Variants in ZNF490 observed in about 807,000 individuals in gnomAD.
The protein encoded by ZNF490 is zinc finger protein 490.
A neutral mutation model predicts 17.7 loss-of-function variants in ZNF490; 11 were observed. The ratio of observed to expected loss-of-function variants is 0.62; its 90% CI spans 0.39 to 1.03. The LOEUF is 1.03. Ranked by LOEUF, ZNF490 falls within the 50% of genes least tolerant of loss-of-function variation. The pLI is 0.00. For missense variants in ZNF490, 542 were observed against 643.4 expected, an observed-to-expected ratio of 0.84 and a Z score of 1.71; for synonymous variants, 222 against 216.1, an observed-to-expected ratio of 1.03 and a Z score of -0.24.
intron 2 of ZNF490, among the ~76,000 whole-genome samples, chr19:12,590,978 A>G (rs2022862988): frequency 6.6e-6 from 1 of 152,104 alleles, no homozygotes; most frequent in East Asian, 1.9e-4. Context: ...TAGATCAAAG[A>G]TGTAACTGTA....
chr19:12,604,148 G>C (rs2023039499), intron 2 of ZNF490, among the ~76,000 whole-genome samples: 1 of 152,204 alleles, frequency 6.6e-6, no homozygotes, highest in Non-Finnish European at 1.5e-5. Context: ...AGAGCCTTCT[G>C]GTTGGTAAAT....
intron 1 of ZNF490, among the ~76,000 whole-genome samples, chr19:12,609,671 C>CA (rs1474759212): frequency 6.6e-6 from 1 of 152,164 alleles, no homozygotes; most frequent in African/African-American, 2.4e-5. Flanking sequence ...AATTTCCTTC[C>CA]ACTTTACAGC....
intron 2 of ZNF490, among the ~76,000 whole-genome samples, chr19:12,589,964 G>C (rs536343330): frequency 6.6e-6 from 1 of 152,058 alleles, no homozygotes; most frequent in African/African-American, 2.4e-5. Context: ...ACCCAGGCTG[G>C]AGTGCACTGG....
intron 2 of ZNF490, among the ~76,000 whole-genome samples, chr19:12,606,384 G>T (rs1199642421): frequency 2.9e-5 from 4 of 138,362 alleles, no homozygotes; most frequent in Non-Finnish European, 6.1e-5. Context: ...TCTATCTGTT[G>T]CCCAGGCTAG....
intron 2 of ZNF490, among the ~76,000 whole-genome samples, chr19:12,588,516 C>T (rs2022828846): frequency 6.6e-6 from 1 of 152,116 alleles, no homozygotes; most frequent in Non-Finnish European, 1.5e-5. Context: ...CATGAATTCA[C>T]TGGTACAGCT....
At chr19:12,602,079 T>TATATATATACAC (rs778812676) in intron 2 of ZNF490, among the ~76,000 whole-genome samples, 6 of 68,596 alleles carry the variant, frequency 8.7e-5, no homozygotes, top group Admixed American at 6.0e-4. Flanking sequence ...GTTCACTATA[T>TATATATATACAC]ACACACACAC....
At chr19:12,597,490 C>G (rs955537361) in intron 2 of ZNF490, among the ~76,000 whole-genome samples, 3 of 152,066 alleles carry the variant, frequency 2.0e-5, no homozygotes, top group Admixed American at 2.0e-4. Context: ...TGCCCGAGGT[C>G]CATTTTTAAG....
At chr19:12,591,011 G>A (rs2022863605) in intron 2 of ZNF490, among the ~76,000 whole-genome samples, 1 of 151,946 alleles carries the variant, frequency 6.6e-6, no homozygotes, top group Admixed American at 6.6e-5. Flanking sequence ...ACTCCTAGAG[G>A]ATAATATATA....
At chr19:12,590,667 A>G (rs150283289) in intron 2 of ZNF490, among the ~76,000 whole-genome samples, 1,579 of 152,364 alleles carry the variant, frequency 0.01, 13 homozygotes, top group Non-Finnish European at 0.015. Flanking sequence ...TCAAAAATCT[A>G]CAACAAAGAA....
At chr19:12,582,703 A>C in intron 4 of ZNF490, 147 bp downstream of exon 4, 1 of 760,316 alleles carries the variant, frequency 1.3e-6, no homozygotes, top group Non-Finnish European at 2.3e-6. Context: ...TGCCCATGAC[A>C]GTTTCAATGA....
At chr19:12,589,871 C>CATGTATGTATGT (rs557685394) in intron 2 of ZNF490, among the ~76,000 whole-genome samples, 37 of 149,586 alleles carry the variant, frequency 2.5e-4, no homozygotes, top group African/African-American at 4.5e-4. Context: ...TCTCACCATT[C>CATGTATGTATGT]ATGTATGTAT....
At chr19:12,594,890 G>T (rs2022914296) in intron 2 of ZNF490, among the ~76,000 whole-genome samples, 1 of 152,148 alleles carries the variant, frequency 6.6e-6, no homozygotes, top group African/African-American at 2.4e-5. Flanking sequence ...AGATATAGCT[G>T]ATTCCTAGGA....
In ZNF490 at chr19:12,610,690, C is replaced by G. The variant is rs2023139386; in HGVS notation, c.-10G>C. 1 of 1,612,582 alleles carries G rather than the reference C, an allele frequency of 6.2e-7. No individual in the cohort carries two copies. The highest frequency in any genetic ancestry group is 8.5e-7 in the Non-Finnish European group (1 of 1,179,434). Reference sequence around the variant, plus strand: ...TGGAATTCCTGCGCATCCCTGTCCCCGCATCCAGAAACACTGCAGGAAGAC... The same window carrying G: ...TGGAATTCCTGCGCATCCCTGTCCCGGCATCCAGAAACACTGCAGGAAGAC... On this transcript the variant is annotated 5_prime_UTR_variant, in exon 1 of 5. Transcript: ENST00000311437.
intron 4 of ZNF490, 150 bp downstream of exon 4, chr19:12,582,700 G>C: frequency 1.3e-6 from 1 of 744,764 alleles, no homozygotes; most frequent in South Asian, 1.5e-5. Context: ...GGCTGCCCAT[G>C]ACAGTTTCAA....
intron 3 of ZNF490, 56 bp downstream of exon 3, chr19:12,583,374 G>A (rs2145142880): frequency 1.7e-5 from 25 of 1,513,640 alleles, no homozygotes; most frequent in Non-Finnish European, 2.2e-5. Flanking sequence ...CTCAGTTGTT[G>A]TGCAAGAAAC....
chr19:12,606,655 A>AT (rs1250528803), intron 2 of ZNF490, among the ~76,000 whole-genome samples: 1 of 150,636 alleles, frequency 6.6e-6, no homozygotes, highest in East Asian at 2.0e-4. Context: ...AATTTTTTTT[A>AT]TTTTTATAGA....
rs1382390691 is a variant in ZNF490 at position 12,581,413 on chromosome 19, G to A, written c.662C>T (p.Pro221Leu). 1.2e-6 allele frequency: 2 copies of A among 1,614,222 alleles called. No homozygotes were observed. Among genetic ancestry groups the A allele is most frequent in the Non-Finnish European group, 1.7e-6 (2 of 1,180,032 alleles). Residue 221 changes from proline (P) to leucine (L), a missense_variant, in exon 5 of 5, where the codon CCC becomes CTC. By Grantham distance (98) the Pro-to-Leu change is moderately conservative. Coordinates refer to ENST00000311437, the MANE Select transcript of ZNF490 (RefSeq NM_020714.3). ...THERIHTGEK[P>L]YECKECGKAF... The stretch of plus-strand genomic sequence containing the variant: ...TTTGCCACATTCCTTACATTCATAG[G>A]GTTTCTCTCCAGTGTGAATTCTTTC...
chr19:12,595,806 C>T (rs1032479825), intron 2 of ZNF490, among the ~76,000 whole-genome samples: 7 of 151,834 alleles, frequency 4.6e-5, no homozygotes, highest in African/African-American at 9.7e-5. Context: ...AAAAATCAGC[C>T]GAGTGTGTTG....
intron 2 of ZNF490, among the ~76,000 whole-genome samples, chr19:12,602,619 ATTTC>A (rs941073336): frequency 1.3e-5 from 2 of 149,582 alleles, no homozygotes; most frequent in Admixed American, 6.7e-5. Context: ...CATCATGTAT[ATTTC>A]TTTTTTTTTT....
Sources: allele counts gnomAD v4.1 joint callset (sites outside exome capture counted in the v4.1 genomes callset), GRCh38; gene constraint gnomAD v4.1.1; transcripts MANE v1.5; gene names NCBI Gene and HGNC (gene_info 2026-07-23, HGNC 2026-07-21).